Variants in SCARB2 observed in about 807,000 individuals in gnomAD.
SCARB2 encodes the protein scavenger receptor class B member 2.
Under a neutral mutation model 58.6 loss-of-function variants are expected in SCARB2, and 29 were observed. The observed-to-expected ratio is 0.49, with a 90% CI of 0.37 to 0.67. SCARB2 has a LOEUF of 0.67. Among genes scored for constraint, SCARB2 ranks in the 30% least tolerant of loss-of-function variants. The pLI is 0.00. For missense variants in SCARB2, 488 were observed against 578.5 expected (o/e 0.84, Z 1.60); for synonymous variants, 195 against 210.1 (o/e 0.93, Z 0.62).
chr4:76,176,989 T>C (rs1174077241), intron 4 of SCARB2: 4 of 152,672 alleles, frequency 2.6e-5, no homozygotes, highest in African/African-American at 7.4e-5. Context: ...TCTCTACATA[T>C]ACACCCTCTT....
At chr4:76,196,264 A>T (rs1159389835) in intron 1 of SCARB2, among the ~76,000 whole-genome samples, 1 of 152,182 alleles carries the variant, frequency 6.6e-6, no homozygotes, top group Non-Finnish European at 1.5e-5. Context: ...GAGGCAGTAG[A>T]CTTGCTTGAA....
At chr4:76,218,966 G>A (rs1733261863) in intron 1 of SCARB2, among the ~76,000 whole-genome samples, 1 of 152,072 alleles carries the variant, frequency 6.6e-6, no homozygotes, top group South Asian at 2.1e-4. Flanking sequence ...TCTATTTTAA[G>A]GATAAGGAAA....
chr4:76,201,552 A>G (rs1196347167), intron 1 of SCARB2, among the ~76,000 whole-genome samples: 8 of 152,220 alleles, frequency 5.3e-5, no homozygotes, highest in African/African-American at 1.9e-4. Flanking sequence ...TCAATGTGGC[A>G]AAATGCCGCA....
At chr4:76,192,102 C>T (rs1197068755) in intron 2 of SCARB2, 1 of 152,116 alleles carries the variant, frequency 6.6e-6, no homozygotes, top group Non-Finnish European at 1.5e-5. Flanking sequence ...GTAAGAACAA[C>T]CTAATTTAGA....
intron 9 of SCARB2, 25 bp downstream of exon 9, chr4:76,168,378 C>A (rs1394929282): frequency 4.4e-6 from 7 of 1,594,898 alleles, no homozygotes; most frequent in African/African-American, 1.3e-5. Context: ...CTGCTGTCCC[C>A]TCCATAGAAA....
intron 1 of SCARB2, among the ~76,000 whole-genome samples, chr4:76,220,472 T>A (rs1455851563): frequency 1.3e-5 from 2 of 152,054 alleles, no homozygotes; most frequent in East Asian, 1.9e-4. Flanking sequence ...ATAGAAAAAT[T>A]AAAAATTAGA....
intron 10 of SCARB2, chr4:76,165,991 C>G (rs917299274): frequency 1.8e-6 from 1 of 569,838 alleles, no homozygotes; most frequent in African/African-American, 1.9e-5. Context: ...CTGTTTCCTA[C>G]GTGAGCAGCT....
intron 1 of SCARB2, among the ~76,000 whole-genome samples, chr4:76,212,583 T>C (rs961525210): frequency 6.6e-6 from 1 of 152,252 alleles, no homozygotes; most frequent in Non-Finnish European, 1.5e-5. Context: ...GCTCCAGTGA[T>C]TATTTTTCTT....
intron 1 of SCARB2, among the ~76,000 whole-genome samples, chr4:76,226,184 C>T (rs1300599752): frequency 3.9e-5 from 6 of 152,022 alleles, no homozygotes; most frequent in Non-Finnish European, 7.4e-5. Flanking sequence ...ATGGAGGCTG[C>T]GAAGGCCCTG....
chr4:76,173,505 AT>A (rs796789161), intron 7 of SCARB2: 138 of 144,354 alleles, frequency 9.6e-4, no homozygotes, highest in Non-Finnish European at 1.1e-3. Flanking sequence ...TAATTTTTTA[AT>A]TTTTTTTTTT....
rs1186961991 is a variant in SCARB2, at chr4:76,163,290, G to T, written c.1333C>A (p.Leu445Met). The part of the protein sequence containing the change: ...ITNIPYIIMA[L>M]GVFFGLVFTW... ...AAAACCAAACCAAAGAACACACCCA[G>T]CGCCATGATGATGTAGGGTATGTTG... Residue 445 changes from leucine (L) to methionine (M), a missense_variant, in exon 11 of 12, where the codon CTG (leucine) becomes ATG (methionine). Transcript: ENST00000264896. 6.2e-7 allele frequency: 1 copy of T among 1,614,174 alleles called. No individual in the cohort carries two copies. Among genetic ancestry groups the T allele is most frequent in the Admixed American group, 1.7e-5 (1 of 60,018 alleles).
intron 1 of SCARB2, 58 bp downstream of exon 1, chr4:76,213,369 G>T: frequency 8.7e-7 from 1 of 1,148,234 alleles, no homozygotes; most frequent in Non-Finnish European, 1.3e-6. Context: ...TGTAGCAGCA[G>T]GGATGGGAGG....
intron 7 of SCARB2, among the ~76,000 whole-genome samples, chr4:76,172,208 A>G (rs1321032684): frequency 7.1e-6 from 1 of 141,010 alleles, no homozygotes; most frequent in Non-Finnish European, 1.5e-5. Flanking sequence ...TTGTATATAT[A>G]TATGTATATA....
At chr4:76,170,508 C>G (rs56247019) in intron 7 of SCARB2, among the ~76,000 whole-genome samples, 1 of 151,882 alleles carries the variant, frequency 6.6e-6, no homozygotes, top group East Asian at 1.9e-4. Context: ...ATTTCTTGTC[C>G]TTTTTAAAAT....
intron 1 of SCARB2, among the ~76,000 whole-genome samples, chr4:76,198,489 T>C (rs1440539513): frequency 2.0e-5 from 3 of 152,202 alleles, no homozygotes; most frequent in Non-Finnish European, 4.4e-5. Context: ...GAAATAAACA[T>C]TTAGTACATT....
chr4:76,186,746 A>G (rs950945713), intron 2 of SCARB2, among the ~76,000 whole-genome samples: 4 of 152,094 alleles, frequency 2.6e-5, no homozygotes, highest in African/African-American at 9.7e-5. Flanking sequence ...AAACTCACAC[A>G]TACCTGGTCA....
At chr4:76,186,608 C>T (rs558388956) in intron 2 of SCARB2, among the ~76,000 whole-genome samples, 24 of 152,218 alleles carry the variant, frequency 1.6e-4, no homozygotes, top group African/African-American at 5.3e-4. Context: ...AAGACTCACC[C>T]GCTTGTTGAC....
chr4:76,174,009 G>T, intron 7 of SCARB2, 135 bp downstream of exon 7: 1 of 1,105,316 alleles, frequency 9.0e-7, no homozygotes, highest in Non-Finnish European at 1.4e-6. Context: ...GGGCTCAAGT[G>T]ATCATCCCAC....
Position 76,161,783 on chromosome 4 carries a change from T to A in SCARB2, c.1399-32A>T. On this transcript the variant is annotated intron_variant, in intron 11 of 11. Transcript: ENST00000264896. ...CACAGAAGAGAGAAAACAAGTTAGA[T>A]GTTCATGTCAGAAACTTCTCCCCAG... is the stretch of plus-strand genomic sequence containing the variant. 5 of 1,613,014 alleles carry A rather than the reference T, an allele frequency of 3.1e-6. No individual in the cohort carries two copies. The South Asian group carries it at 3.3e-5, about 11-fold the overall frequency.
Sources: allele counts gnomAD v4.1 joint callset (sites outside exome capture counted in the v4.1 genomes callset), GRCh38; gene constraint gnomAD v4.1.1; transcripts MANE v1.5; gene names NCBI Gene and HGNC (gene_info 2026-07-23, HGNC 2026-07-21).